SKIC2: variants seen among roughly 807,000 people sequenced by gnomAD.
SKIC2 encodes superkiller complex protein 2.
the SKIC2 span, chr6:31,960,783 C>T: frequency 6.4e-6 from 9 of 1,403,144 alleles, no homozygotes; most frequent in Non-Finnish European, 8.8e-6. Context: ...AGGAAGAGCC[C>T]AGGCTATCAC....
the SKIC2 span, chr6:31,962,480 A>C: frequency 6.2e-7 from 1 of 1,614,136 alleles, no homozygotes; most frequent in Non-Finnish European, 8.5e-7. This position sits in a 1 kb window ranked among gnomAD's most constrained non-coding sequence, Gnocchi z 5.0. Flanking sequence ...AGCAACCAGA[A>C]GTTCCGGGAC....
chr6:31,962,266 G>A, the SKIC2 span, among the ~76,000 whole-genome samples: 4 of 152,182 alleles, frequency 2.6e-5, no homozygotes, highest in Admixed American at 2.6e-4. The surrounding 1 kb of genome is among the most constrained non-coding windows in gnomAD (Gnocchi z 5.0). Flanking sequence ...GGAAGGGGTT[G>A]GGGACAGAAT....
At chr6:31,967,253 A>G in the SKIC2 span, 5 of 1,611,576 alleles carry the variant, frequency 3.1e-6, no homozygotes, top group Non-Finnish European at 4.2e-6. The surrounding 1 kb of genome is among the most constrained non-coding windows in gnomAD (Gnocchi z 4.9). Flanking sequence ...GCCTCCTCCC[A>G]TCTGTCCTTT....
chr6:31,965,244 T>C, the SKIC2 span, among the ~76,000 whole-genome samples: 2 of 152,166 alleles, frequency 1.3e-5, no homozygotes, highest in African/African-American at 4.8e-5. The surrounding 1 kb of genome is among the most constrained non-coding windows in gnomAD (Gnocchi z 5.6). Flanking sequence ...ACCCATCCTT[T>C]GTTTGTGGTG....
the SKIC2 span, chr6:31,964,020 C>G: frequency 6.2e-7 from 1 of 1,612,624 alleles, no homozygotes; most frequent in South Asian, 1.1e-5. The surrounding 1 kb of genome is among the most constrained non-coding windows in gnomAD (Gnocchi z 5.0). Flanking sequence ...AGGCCTCAGG[C>G]CTCACCTCCC....
At chr6:31,961,758 A>T in the SKIC2 span, 1 of 1,563,582 alleles carries the variant, frequency 6.4e-7, no homozygotes, top group Non-Finnish European at 8.7e-7. Context: ...TCTATTGGCC[A>T]GAGGTCAGAT....
the SKIC2 span, chr6:31,962,417 T>C: frequency 6.2e-7 from 1 of 1,613,860 alleles, no homozygotes; most frequent in Non-Finnish European, 8.5e-7. This position sits in a 1 kb window ranked among gnomAD's most constrained non-coding sequence, Gnocchi z 5.0. Context: ...AGGGACTGGC[T>C]AACTTCATGC....
the SKIC2 span, chr6:31,964,333 C>T: frequency 1.2e-6 from 2 of 1,612,186 alleles, no homozygotes; most frequent in Middle Eastern, 3.3e-4. The surrounding 1 kb of genome is among the most constrained non-coding windows in gnomAD (Gnocchi z 5.0). Context: ...TCAGCCGTGG[C>T]CTGGTCAAGG....
At chr6:31,959,406 TG>T in the SKIC2 span, 2 of 1,598,758 alleles carry the variant, frequency 1.3e-6, no homozygotes, top group Non-Finnish European at 1.7e-6. Context: ...GTAGCGTGAG[TG>T]ACTTTTGACC....
chr6:31,959,439 G>A, the SKIC2 span: 2 of 1,379,972 alleles, frequency 1.4e-6, no homozygotes, highest in Non-Finnish European at 2.1e-6. Context: ...CCCGCATTGA[G>A]TCCAAACCTC....
the SKIC2 span, chr6:31,959,502 A>C: frequency 4.9e-6 from 4 of 821,808 alleles, no homozygotes; most frequent in African/African-American, 1.7e-5. Context: ...CTGTGCCTGT[A>C]CTCCTGTCCA....
chr6:31,960,625 C>T, the SKIC2 span: 1 of 1,582,228 alleles, frequency 6.3e-7, no homozygotes, highest in Middle Eastern at 1.7e-4. Context: ...TCTCGTATTA[C>T]CCTCATCCCA....
At chr6:31,967,652 G>C in the SKIC2 span, 1 of 1,575,744 alleles carries the variant, frequency 6.3e-7, no homozygotes, top group South Asian at 1.1e-5. This position sits in a 1 kb window ranked among gnomAD's most constrained non-coding sequence, Gnocchi z 4.9. Context: ...GTGGGTATCT[G>C]GTCTCTGCCT....
chr6:31,960,888 C>T, the SKIC2 span: 14 of 873,464 alleles, frequency 1.6e-5, no homozygotes, highest in Non-Finnish European at 2.4e-5. Flanking sequence ...GAAATTTCTA[C>T]AACAACCTTT....
chr6:31,959,494 G>A, the SKIC2 span: 1 of 881,908 alleles, frequency 1.1e-6, no homozygotes, highest in Non-Finnish European at 1.9e-6. Context: ...TTGTTCATCT[G>A]TGCCTGTACT....
the SKIC2 span, chr6:31,964,143 TGTGTGCGTGC>T: frequency 6.2e-7 from 1 of 1,609,764 alleles, no homozygotes; most frequent in East Asian, 2.2e-5. The surrounding 1 kb of genome is among the most constrained non-coding windows in gnomAD (Gnocchi z 5.0). Context: ...TGTGTGCGTC[TGTGTGCGTGC>T]ATGCACACAT....
the SKIC2 span, chr6:31,962,350 G>T: frequency 7.1e-7 from 1 of 1,403,320 alleles, no homozygotes; most frequent in South Asian, 1.2e-5. The surrounding 1 kb of genome is among the most constrained non-coding windows in gnomAD (Gnocchi z 5.0). Context: ...GAGCTTCTGG[G>T]GCATGCTTCC....
At chr6:31,969,284 T>A in the SKIC2 span, 2 of 1,614,180 alleles carry the variant, frequency 1.2e-6, no homozygotes, top group South Asian at 2.2e-5. This position sits in a 1 kb window ranked among gnomAD's most constrained non-coding sequence, Gnocchi z 6.1. Flanking sequence ...CTGCAGGGAA[T>A]AGAACGTGTC....
At chr6:31,968,910 G>A in the SKIC2 span, 1 of 1,613,022 alleles carries the variant, frequency 6.2e-7, no homozygotes, top group Non-Finnish European at 8.5e-7. The surrounding 1 kb of genome is among the most constrained non-coding windows in gnomAD (Gnocchi z 6.1). Context: ...GGCGGGCACT[G>A]TGAAGCTGGC....
Sources: gnomAD v4.1 joint callset for allele counts (sites outside exome capture counted in the v4.1 genomes callset) on GRCh38, gnomAD v4.1.1 for gene constraint, Gnocchi (gnomAD v3.1) non-coding constraint, MANE v1.5 for transcripts, NCBI Gene and HGNC (gene_info 2026-07-23, HGNC 2026-07-21) for gene names.